PCDHGA9: variants seen among roughly 807,000 people sequenced by gnomAD.
PCDHGA9 encodes protocadherin gamma subfamily A, 9, also known as protocadherin gamma-A9.
A neutral mutation model predicts 62.5 loss-of-function variants in PCDHGA9; 37 were observed. The observed-to-expected ratio is 0.59, with a 90% CI of 0.46 to 0.78. PCDHGA9 has a LOEUF of 0.78. Among genes scored for constraint, PCDHGA9 ranks in the 30% least tolerant of loss-of-function variants. PCDHGA9 has a pLI of 0.00. For missense variants in PCDHGA9, 1,138 were observed against 1,166.2 expected (o/e 0.98, Z 0.35); for synonymous variants, 459 against 484.6 (o/e 0.95, Z 0.69).
At chr5:141,415,312 A>G (rs1245475147) in intron 1 of PCDHGA9, 1 of 1,614,222 alleles carries the variant, frequency 6.2e-7, no homozygotes, top group Non-Finnish European at 8.5e-7. Context: ...GGCCTTCGTC[A>G]TCGTGCTGCT....
At chr5:141,422,167 A>G in intron 1 of PCDHGA9, 1 of 1,562,764 alleles carries the variant, frequency 6.4e-7, no homozygotes, top group Non-Finnish European at 8.6e-7. Context: ...TGAAAAATAT[A>G]GATTCTATGA....
chr5:141,485,949 T>C lies in PCDHGA9; in HGVS notation c.2425-8858T>C. Reference sequence around the variant, plus strand: ...GTGTTGGAGAGCGCACCAGCGGGCATGGTGCTCATCCAGCTCAATGCCTCA... The same window carrying C: ...GTGTTGGAGAGCGCACCAGCGGGCACGGTGCTCATCCAGCTCAATGCCTCA... On this transcript the variant is annotated intron_variant, in intron 1 of 3. Transcript: ENST00000573521. This position sits in a 1 kb window ranked among gnomAD's most constrained non-coding sequence, Gnocchi z 5.7. 2 of 1,614,178 alleles carry C rather than the reference T, an allele frequency of 1.2e-6. No individual in the cohort carries two copies.
intron 1 of PCDHGA9, chr5:141,414,717 C>T: frequency 6.2e-7 from 1 of 1,614,152 alleles, no homozygotes; most frequent in Non-Finnish European, 8.5e-7. Flanking sequence ...TCAACTCAGA[C>T]ACTGGCGTCC....
chr5:141,410,623 G>A (rs2154543147), intron 1 of PCDHGA9: 1 of 1,603,052 alleles, frequency 6.2e-7, no homozygotes, highest in Non-Finnish European at 8.5e-7. Flanking sequence ...TGACTTCGGT[G>A]AGTTTCTCTT....
chr5:141,433,361 ATCT>A, intron 1 of PCDHGA9: 2 of 297,578 alleles, frequency 6.7e-6, no homozygotes, highest in Non-Finnish European at 1.3e-5. Context: ...CTGTCTGCCT[ATCT>A]ATCTATCTAT....
At chr5:141,408,812 G>T (rs1383299883) in intron 1 of PCDHGA9, 2 of 1,613,454 alleles carry the variant, frequency 1.2e-6, no homozygotes, top group Non-Finnish European at 8.5e-7. Context: ...AGACCGGGAA[G>T]AACAGAGATC....
intron 1 of PCDHGA9, among the ~76,000 whole-genome samples, chr5:141,453,067 C>T (rs1227122711): frequency 1.3e-5 from 2 of 152,024 alleles, no homozygotes; most frequent in Admixed American, 6.6e-5. Flanking sequence ...AGAGTTTTGC[C>T]ACACTCTGGT....
intron 2 of PCDHGA9, among the ~76,000 whole-genome samples, chr5:141,504,999 T>C (rs1278633184): frequency 6.6e-6 from 1 of 152,000 alleles, no homozygotes; most frequent in African/African-American, 2.4e-5. Context: ...CCGTCTGTAC[T>C]AAAAATACAA....
chr5:141,419,605 G>A, intron 1 of PCDHGA9: 1 of 1,611,776 alleles, frequency 6.2e-7, no homozygotes, highest in Non-Finnish European at 8.5e-7. Flanking sequence ...CGCGGGCCGC[G>A]CAGCCAGGCT....
At chr5:141,465,894 G>A (rs970043849) in intron 1 of PCDHGA9, among the ~76,000 whole-genome samples, 1 of 152,098 alleles carries the variant, frequency 6.6e-6, no homozygotes, top group Non-Finnish European at 1.5e-5. Flanking sequence ...AGGCCGAGGC[G>A]GGCAAATCAC....
In PCDHGA9 at chr5:141,415,739, GGTTTTT is replaced by G; in HGVS notation, c.2424+10364_2424+10369del. On this transcript the variant is annotated intron_variant, in intron 1 of 3. Coordinates refer to ENST00000573521, the MANE Select transcript of PCDHGA9 (RefSeq NM_018921.3). ...ATGAGTAGAATTTGATGTTTATTAA[GGTTTTT>G]TTTTTTTTTTTTTTTTTTTTTTTTT... is the stretch of plus-strand genomic sequence containing the variant. 1.4e-4 allele frequency: 59 copies of G among 434,890 alleles called. 1 individual carries two copies. The African/African-American group carries it at 1.6e-3, about 12-fold the overall frequency. The allele number at this position is 434,890 out of a possible 1,614,324, so 26.9% of individuals were successfully genotyped here.
intron 1 of PCDHGA9, among the ~76,000 whole-genome samples, chr5:141,452,353 AG>A (rs556616398): frequency 5.9e-5 from 9 of 152,206 alleles, no homozygotes; most frequent in Non-Finnish European, 1.3e-4. Context: ...TTTATCCAAA[AG>A]CCTTGCTTCA....
At chr5:141,449,156 G>T (rs4432943) in intron 1 of PCDHGA9, among the ~76,000 whole-genome samples, 84,481 of 151,978 alleles carry the variant, frequency 0.56, 26,202 homozygotes, top group African/African-American at 0.85. Context: ...GGTCAAAGAG[G>T]AAATAGGTGT....
intron 2 of PCDHGA9, among the ~76,000 whole-genome samples, chr5:141,498,882 G>A (rs1287566657): frequency 6.8e-6 from 1 of 147,420 alleles, no homozygotes; most frequent in African/African-American, 2.5e-5. Context: ...GCAGTGAGCT[G>A]AGATCACACC....
At chr5:141,478,468 C>A (rs2099457906) in intron 1 of PCDHGA9, 2 of 1,613,800 alleles carry the variant, frequency 1.2e-6, no homozygotes, top group Admixed American at 1.7e-5. Flanking sequence ...CACTGGCCAG[C>A]CGCCAGAACA....
intron 1 of PCDHGA9, among the ~76,000 whole-genome samples, chr5:141,430,014 G>A (rs925858697): frequency 6.6e-6 from 1 of 152,130 alleles, no homozygotes; most frequent in South Asian, 2.1e-4. Context: ...TTTCACTTGG[G>A]TTCTTGTTAA....
At position 141,512,116 on chromosome 5, in the gene PCDHGA9, T is replaced by TTA. The variant is rs2099884085; in HGVS notation, c.*943_*944insTA. On this transcript the variant is annotated 3_prime_UTR_variant, in exon 4 of 4. Coordinates refer to ENST00000573521, the MANE Select transcript of PCDHGA9 (RefSeq NM_018921.3). ...ACTAGGCTGGACCCTTCCCACTACA[T>TTA]AATAGGGCTCAGCCCAGGCAGCCAG... 1 of 152,600 alleles carries TTA rather than the reference T, an allele frequency of 6.6e-6. No homozygotes were observed. The highest frequency in any genetic ancestry group is 2.1e-4 in the South Asian group (1 of 4,832). 9.5% of individuals were successfully genotyped at this position (152,600 alleles called of 1,614,324 possible).
At position 141,487,010 on chromosome 5, in the gene PCDHGA9, GC is replaced by G. The variant is rs2099638172; in HGVS notation, c.2425-7793del. ...TTGGGTTTCCTATCAGCTCCTGGAG[GC>G]CCCAGATCCCAGCCTGTTTGCAGTC... is the stretch of plus-strand genomic sequence containing the variant. On this transcript the variant is annotated intron_variant, in intron 1 of 3. Coordinates refer to ENST00000573521, the MANE Select transcript of PCDHGA9 (RefSeq NM_018921.3). This position sits in a 1 kb window ranked among gnomAD's most constrained non-coding sequence, Gnocchi z 5.0. 6.2e-7 allele frequency: 1 copy of G among 1,614,096 alleles called. No individual in the cohort carries two copies. Among genetic ancestry groups the G allele is most frequent in the Non-Finnish European group, 8.5e-7 (1 of 1,180,056 alleles).
At chr5:141,420,240 C>G (rs752339982) in intron 1 of PCDHGA9, 3 of 1,593,140 alleles carry the variant, frequency 1.9e-6, no homozygotes, top group Non-Finnish European at 2.6e-6. Context: ...ATTTTAACTC[C>G]CAGCGTTGAA....
Sources: allele counts gnomAD v4.1 joint callset (sites outside exome capture counted in the v4.1 genomes callset), GRCh38; gene constraint gnomAD v4.1.1; non-coding constraint Gnocchi (gnomAD v3.1); transcripts MANE v1.5; gene names NCBI Gene and HGNC (gene_info 2026-07-23, HGNC 2026-07-21).